GAP43: variants seen among roughly 807,000 people sequenced by gnomAD.
The protein encoded by GAP43 is growth associated protein 43, also known as neuromodulin.
GAP43 carries 6 observed loss-of-function variants against 18.6 expected under a neutral mutation model. The observed-to-expected ratio is 0.32, with a 90% CI of 0.18 to 0.64. The LOEUF is 0.64. Among genes scored for constraint, GAP43 ranks in the 30% least tolerant of loss-of-function variants. The pLI is 0.78. For synonymous variants in GAP43, 115 were observed against 111.4 expected, an observed-to-expected ratio of 1.03 and a Z score of -0.20; for missense variants, 292 against 295.5, an observed-to-expected ratio of 0.99 and a Z score of 0.09.
At chr3:115,668,491 C>T (rs1206404122) in intron 1 of GAP43, among the ~76,000 whole-genome samples, 1 of 152,116 alleles carries the variant, frequency 6.6e-6, no homozygotes, top group Non-Finnish European at 1.5e-5. Flanking sequence ...ATGGTGTGAT[C>T]TCAGCTCATC....
Position 115,623,668 on chromosome 3 carries a change from G to A in GAP43, c.-22G>A, listed in dbSNP as rs1708142963. 6.2e-7 allele frequency: 1 copy of A among 1,613,908 alleles called. No homozygotes were observed. Among genetic ancestry groups the A allele is most frequent in the Non-Finnish European group, 8.5e-7 (1 of 1,179,920 alleles). Reference sequence around the variant, plus strand: ...AGAAGGAAAGGAGAGAAGGCAGGAAGAAGGCAAGGGACGAGACAACCATGC... The same window carrying A: ...AGAAGGAAAGGAGAGAAGGCAGGAAAAAGGCAAGGGACGAGACAACCATGC... On this transcript the variant is annotated 5_prime_UTR_variant, in exon 1 of 3. Transcript: ENST00000305124.
intron 1 of GAP43, among the ~76,000 whole-genome samples, chr3:115,651,023 T>C (rs1213208820): frequency 6.6e-6 from 1 of 152,044 alleles, no homozygotes; most frequent in Non-Finnish European, 1.5e-5. Flanking sequence ...TCCCAGCTAC[T>C]TGGGAGGCTG....
chr3:115,637,232 T>C (rs989079926), intron 1 of GAP43, among the ~76,000 whole-genome samples: 2 of 152,090 alleles, frequency 1.3e-5, no homozygotes, highest in African/African-American at 2.4e-5. Flanking sequence ...TTTATGTACC[T>C]GATTCTGCCA....
chr3:115,708,803 TA>T (rs1319096415), intron 2 of GAP43, among the ~76,000 whole-genome samples: 1 of 151,912 alleles, frequency 6.6e-6, no homozygotes, highest in Non-Finnish European at 1.5e-5. Flanking sequence ...ATGGACCTGG[TA>T]AAGAAGATCT....
At chr3:115,669,697 T>C (rs1708786054) in intron 1 of GAP43, among the ~76,000 whole-genome samples, 1 of 152,188 alleles carries the variant, frequency 6.6e-6, no homozygotes, top group Admixed American at 6.5e-5. Flanking sequence ...CCACCTCATA[T>C]TATTTTGGAA....
At chr3:115,646,780 G>A (rs28370258) in intron 1 of GAP43, among the ~76,000 whole-genome samples, 1 of 151,946 alleles carries the variant, frequency 6.6e-6, no homozygotes, top group Non-Finnish European at 1.5e-5. Flanking sequence ...AGACTCATTT[G>A]CGATTTGGTA....
intron 2 of GAP43, 106 bp downstream of exon 2, chr3:115,676,716 A>C: frequency 8.3e-7 from 1 of 1,205,928 alleles, no homozygotes; most frequent in South Asian, 1.7e-5. Flanking sequence ...AGTCTAGAAG[A>C]TGTTTTCCAG....
chr3:115,697,295 C>A (rs1709206965), intron 2 of GAP43, among the ~76,000 whole-genome samples: 1 of 152,104 alleles, frequency 6.6e-6, no homozygotes, highest in African/African-American at 2.4e-5. Context: ...GCAGTAAATG[C>A]TCAATAAATA....
At position 115,676,225 on chromosome 3, in the gene GAP43, G is replaced by T. The variant is rs372469998; in HGVS notation, c.243G>T (p.Lys81Asn). ...EAPVADGVEK[K>N]GEGTTTAEAA... ...CTGTTGCCGATGGGGTGGAGAAGAA[G>T]GGAGAAGGCACCACTACTGCCGAAG... The change falls in exon 2 of 3, where the codon AAG becomes AAT. Residue 81 changes from lysine (K) to asparagine (N), a missense_variant. Lys to Asn is a moderately conservative substitution (Grantham distance 94). Transcript: ENST00000305124. 1 of 1,614,082 alleles carries T rather than the reference G, an allele frequency of 6.2e-7. No homozygotes were observed.
At chr3:115,641,949 C>T (rs921810281) in intron 1 of GAP43, among the ~76,000 whole-genome samples, 4 of 152,040 alleles carry the variant, frequency 2.6e-5, no homozygotes, top group Non-Finnish European at 5.9e-5. Flanking sequence ...TCTGAAACCC[C>T]CTGTTGAAGC....
chr3:115,697,702 A>T (rs576536541), intron 2 of GAP43, among the ~76,000 whole-genome samples: 2 of 152,236 alleles, frequency 1.3e-5, no homozygotes, highest in African/African-American at 2.4e-5. Context: ...CTGGAAATAG[A>T]TGGCAAAACA....
chr3:115,698,979 G>A (rs988033568), intron 2 of GAP43, among the ~76,000 whole-genome samples: 11 of 152,132 alleles, frequency 7.2e-5, no homozygotes, highest in African/African-American at 2.2e-4. Flanking sequence ...AAGGCATAAA[G>A]GGCTGTGTTT....
intron 1 of GAP43, among the ~76,000 whole-genome samples, chr3:115,641,452 TATAGAG>T (rs1708394559): frequency 6.7e-6 from 1 of 150,120 alleles, no homozygotes; most frequent in African/African-American, 2.5e-5. Flanking sequence ...TATATATATA[TATAGAG>T]AGAGAAAGAG....
intron 2 of GAP43, among the ~76,000 whole-genome samples, chr3:115,698,149 T>TATATATAATATATATAATATATA (rs1709235832): frequency 7.5e-5 from 1 of 13,422 alleles, no homozygotes; most frequent in African/African-American, 3.8e-4. Context: ...TAATATATAT[T>TATATATAATATATATAATATATA]ATATATAATA....
At chr3:115,645,379 C>A (rs972660125) in intron 1 of GAP43, among the ~76,000 whole-genome samples, 20 of 151,900 alleles carry the variant, frequency 1.3e-4, no homozygotes, top group Non-Finnish European at 2.1e-4. Context: ...AGTAGTGAGG[C>A]CCAACCAACT....
intron 2 of GAP43, among the ~76,000 whole-genome samples, chr3:115,687,725 C>T (rs1252641318): frequency 1.3e-5 from 2 of 152,046 alleles, no homozygotes; most frequent in Non-Finnish European, 2.9e-5. Context: ...CAAACTATTT[C>T]GTGATCTTGG....
chr3:115,687,262 CTCA>C (rs889550358), intron 2 of GAP43, among the ~76,000 whole-genome samples: 3 of 152,138 alleles, frequency 2.0e-5, no homozygotes, highest in Admixed American at 1.3e-4. Flanking sequence ...GCCAATCGAT[CTCA>C]TTTACTGTAA....
chr3:115,643,476 G>A (rs1708422966), intron 1 of GAP43, among the ~76,000 whole-genome samples: 1 of 152,042 alleles, frequency 6.6e-6, no homozygotes, highest in African/African-American at 2.4e-5. Flanking sequence ...TCTTACTGAT[G>A]TAACCCTGTA....
intron 1 of GAP43, among the ~76,000 whole-genome samples, chr3:115,668,207 C>T (rs1708757190): frequency 6.6e-6 from 1 of 152,186 alleles, no homozygotes; most frequent in Non-Finnish European, 1.5e-5. Flanking sequence ...TTCTGTCTGG[C>T]TTGTGCCTTG....
Sources: gnomAD v4.1 joint callset for allele counts (sites outside exome capture counted in the v4.1 genomes callset) on GRCh38, gnomAD v4.1.1 for gene constraint, MANE v1.5 for transcripts, NCBI Gene and HGNC (gene_info 2026-07-23, HGNC 2026-07-21) for gene names.